Variants in HOOK3 observed in about 807,000 individuals in gnomAD.
The protein encoded by HOOK3 is hook microtubule tethering protein 3, also known as protein Hook homolog 3.
HOOK3 carries 24 observed loss-of-function variants against 116.3 expected under a neutral mutation model. The observed-to-expected ratio is 0.21, with a 90% CI of 0.15 to 0.29. The LOEUF is 0.29. Among genes scored for constraint, HOOK3 ranks in the 10% least tolerant of loss-of-function variants. The pLI is 1.00. For missense variants in HOOK3, 632 were observed against 830.2 expected (o/e 0.76, Z 2.93); for synonymous variants, 275 against 283.0 (o/e 0.97, Z 0.28).
chr8:42,903,305 A>G (rs1482387008), intron 1 of HOOK3, among the ~76,000 whole-genome samples: 2 of 152,014 alleles, frequency 1.3e-5, no homozygotes, highest in Admixed American at 6.5e-5. Flanking sequence ...TATTATATAC[A>G]AAGAAGCTAC....
intron 4 of HOOK3, among the ~76,000 whole-genome samples, chr8:42,941,778 C>G (rs1808132659): frequency 6.6e-6 from 1 of 152,110 alleles, no homozygotes; most frequent in Non-Finnish European, 1.5e-5. Context: ...CACTCCTTCC[C>G]CAGCCAAGTG....
In HOOK3 at chr8:43,018,761, CT is replaced by C. The variant is rs1349213944; in HGVS notation, c.*267del. 3.0e-6 allele frequency: 1 copy of C among 331,606 alleles called. No homozygotes were observed. The highest frequency in any genetic ancestry group is 2.1e-5 in the African/African-American group (1 of 47,562). The allele number at this position is 331,606 out of a possible 1,614,324, so 20.5% of individuals were successfully genotyped here. On this transcript the variant is annotated 3_prime_UTR_variant, in exon 22 of 22. Coordinates refer to ENST00000307602, the MANE Select transcript of HOOK3 (RefSeq NM_032410.4). Reference sequence around the variant, plus strand: ...AAAAATGTTGTATAATAGTGTAATACTTTTCTTTGTATGAAAATGTCCTCTT... The same window carrying C: ...AAAAATGTTGTATAATAGTGTAATACTTTCTTTGTATGAAAATGTCCTCTT...
intron 4 of HOOK3, among the ~76,000 whole-genome samples, chr8:42,931,425 C>CTTTTTTTTTTTTTTTT (rs764965780): frequency 9.9e-6 from 1 of 100,582 alleles, no homozygotes; most frequent in African/African-American, 4.4e-5. Flanking sequence ...CTTCTCTTCT[C>CTTTTTTTTTTTTTTTT]TTTTTTTTTT....
At position 43,023,017 on chromosome 8, in the gene HOOK3, G is replaced by C. The variant is rs758072948; in HGVS notation, c.*4519G>C. ...AGGTCAGGAGTTCAAGACCAGCCTG[G>C]CTAATATGGTGAAACCCCATCTCTA... On this transcript the variant is annotated 3_prime_UTR_variant, in exon 22 of 22. Transcript: ENST00000307602. The C allele has an allele frequency of 6.4e-6, 1 of 156,664 alleles. No homozygotes were observed. The highest frequency in any genetic ancestry group is 1.4e-5 in the Non-Finnish European group (1 of 70,748). 9.7% of individuals were successfully genotyped at this position (156,664 alleles called of 1,614,324 possible). A position where few individuals can be genotyped will look rare whatever the true frequency, so the allele number is the denominator to read the frequency against.
At chr8:42,904,432 C>G (rs915635883) in intron 1 of HOOK3, among the ~76,000 whole-genome samples, 14 of 151,776 alleles carry the variant, frequency 9.2e-5, no homozygotes, top group Non-Finnish European at 1.3e-4. Flanking sequence ...GCATCAGCCT[C>G]CAGTGTAGCT....
rs570547996 is a variant in HOOK3 at position 42,943,014 on chromosome 8, G to A, written c.268-299G>A. Among the ~76,000 whole-genome samples, 12 of 152,200 alleles carry A rather than the reference G, an allele frequency of 7.9e-5. No individual in the cohort carries two copies. In the South Asian group the frequency reaches 2.5e-3, roughly 32 times the overall value. ...TGCCCCCTAGTTCATAACCATTTTA[G>A]TTCTACTTCTTCAAAGAGTATACAC... On this transcript the variant is annotated intron_variant, in intron 4 of 21. Transcript: ENST00000307602.
chr8:42,955,840 C>A (rs778711416), intron 6 of HOOK3, among the ~76,000 whole-genome samples: 29 of 152,220 alleles, frequency 1.9e-4, no homozygotes, highest in Admixed American at 1.6e-3. Context: ...GCTGGAATCA[C>A]AAGATCTCAA....
chr8:43,026,352 T>C lies in HOOK3; in HGVS notation c.*7854T>C. The C allele has an allele frequency of 5.1e-6, 1 of 195,562 alleles. No homozygotes were observed. The highest frequency in any genetic ancestry group is 8.1e-5 in the East Asian group (1 of 12,378). The allele number at this position is 195,562 out of a possible 1,614,324, so 12.1% of individuals were successfully genotyped here. The stretch of plus-strand genomic sequence containing the variant: ...TTTTACTGCAAAATTTGTAGCACTT[T>C]ACTAATATTAGATCATTATTTTCCC... On this transcript the variant is annotated 3_prime_UTR_variant, in exon 22 of 22. Transcript: ENST00000307602.
intron 13 of HOOK3, among the ~76,000 whole-genome samples, chr8:42,981,619 C>T (rs1277047647): frequency 6.6e-6 from 1 of 152,134 alleles, no homozygotes; most frequent in Non-Finnish European, 1.5e-5. Context: ...TGTGGTGGCT[C>T]ACGCCTTTAA....
At position 43,009,716 on chromosome 8, in the gene HOOK3, A is replaced by G. The variant is rs534628518; in HGVS notation, c.1739-589A>G. ...TTAAGCCATTTTTAGTGTATAGTCC[A>G]GTGACATTAAGGACATTCACATAGC... is the stretch of plus-strand genomic sequence containing the variant. On this transcript the variant is annotated intron_variant, in intron 18 of 21. Coordinates refer to ENST00000307602, the MANE Select transcript of HOOK3 (RefSeq NM_032410.4). Among the ~76,000 whole-genome samples, 22 of 152,296 alleles carry G rather than the reference A, an allele frequency of 1.4e-4. No individual in the cohort carries two copies. In the Middle Eastern group the frequency reaches 0.01, roughly 71 times the overall value.
At chr8:42,962,387 C>A (rs1481454625) in intron 8 of HOOK3, among the ~76,000 whole-genome samples, 1 of 150,860 alleles carries the variant, frequency 6.6e-6, no homozygotes, top group Non-Finnish European at 1.5e-5. Flanking sequence ...AAGGCGTGAC[C>A]CACTGCACCT....
chr8:43,028,111 C>A lies in HOOK3; in HGVS notation c.*9613C>A, dbSNP rs1231489223. The A allele has an allele frequency of 1.6e-5, 3 of 187,594 alleles. No individual in the cohort carries two copies. Among genetic ancestry groups the A allele is most frequent in the Non-Finnish European group, 3.4e-5 (3 of 89,154 alleles). The allele number at this position is 187,594 out of a possible 1,614,324, so 11.6% of individuals were successfully genotyped here. A position where few individuals can be genotyped will look rare whatever the true frequency, so the allele number is the denominator to read the frequency against. ...TTTTTCTAAGAACAGATTCTCAATA[C>A]TTTATTTTTCAAGTGATAAAATCAT... On this transcript the variant is annotated 3_prime_UTR_variant, in exon 22 of 22. Coordinates refer to ENST00000307602, the MANE Select transcript of HOOK3 (RefSeq NM_032410.4).
intron 5 of HOOK3, among the ~76,000 whole-genome samples, chr8:42,943,947 A>T (rs934477924): frequency 1.3e-5 from 2 of 152,200 alleles, no homozygotes; most frequent in African/African-American, 4.8e-5. Context: ...TAAATAATAA[A>T]AATAAATTTT....
At chr8:43,008,657 A>ATTTTTTTTTTTTT (rs1176623906) in intron 18 of HOOK3, among the ~76,000 whole-genome samples, 1 of 143,808 alleles carries the variant, frequency 7.0e-6, no homozygotes, top group African/African-American at 2.6e-5. Context: ...TTTTATTTTT[A>ATTTTTTTTTTTTT]TTTTTATTTT....
At chr8:43,011,444 A>T (rs1809610292) in intron 19 of HOOK3, among the ~76,000 whole-genome samples, 1 of 150,740 alleles carries the variant, frequency 6.6e-6, no homozygotes, top group Non-Finnish European at 1.5e-5. Context: ...CAAATAAGTA[A>T]CAGCATGTGT....
At chr8:42,927,512 T>C (rs1282295501) in intron 3 of HOOK3, among the ~76,000 whole-genome samples, 1 of 152,210 alleles carries the variant, frequency 6.6e-6, no homozygotes, top group African/African-American at 2.4e-5. Context: ...CGCCTTGGCC[T>C]CCCAAAGTGC....
chr8:43,019,954 A>T lies in HOOK3; in HGVS notation c.*1456A>T. The T allele has an allele frequency of 5.0e-6, 1 of 200,044 alleles. No homozygotes were observed. 12.4% of individuals were successfully genotyped at this position (200,044 alleles called of 1,614,324 possible). On this transcript the variant is annotated 3_prime_UTR_variant, in exon 22 of 22. Coordinates refer to ENST00000307602, the MANE Select transcript of HOOK3 (RefSeq NM_032410.4). The stretch of plus-strand genomic sequence containing the variant: ...TCATGTACTTGCTATTTGCAAGTTC[A>T]GGTTTCATTTGGTTCTTTATGTTAA...
chr8:42,989,168 C>T (rs1245769513), intron 15 of HOOK3, among the ~76,000 whole-genome samples: 1 of 152,156 alleles, frequency 6.6e-6, no homozygotes, highest in Non-Finnish European at 1.5e-5. Flanking sequence ...ATCAGGATTC[C>T]CCAGGAATTC....
chr8:42,986,868 AAG>A (rs1809057977), intron 15 of HOOK3, 73 bp downstream of exon 15: 2 of 1,491,168 alleles, frequency 1.3e-6, no homozygotes, highest in Admixed American at 3.7e-5. Context: ...CCCTTAAACA[AAG>A]AACTGGCAGG....
Sources: gnomAD v4.1 joint callset for allele counts (sites outside exome capture counted in the v4.1 genomes callset) on GRCh38, gnomAD v4.1.1 for gene constraint, MANE v1.5 for transcripts, NCBI Gene and HGNC (gene_info 2026-07-23, HGNC 2026-07-21) for gene names.